The following ATF2 variants were observed in gnomAD, a reference collection of about 807,000 sequenced individuals.
The protein encoded by ATF2 is cyclic AMP-dependent transcription factor ATF-2.
ATF2 carries 24 observed loss-of-function variants against 60.6 expected under a neutral mutation model. That is an observed-to-expected ratio of 0.40 (90% CI 0.29 to 0.56). The LOEUF (loss-of-function observed/expected upper bound fraction) is 0.56, where lower values mean the gene tolerates loss of function less well. Among genes scored for constraint, ATF2 ranks in the 20% least tolerant of loss-of-function variants. The pLI is 0.54. For synonymous variants in ATF2, 206 were observed against 215.4 expected (o/e 0.96, Z 0.38); for missense variants, 433 against 607.7 (o/e 0.71, Z 3.02).
chr2:175,121,402 G>C, intron 5 of ATF2, 42 bp downstream of exon 5: 2 of 1,371,030 alleles, frequency 1.5e-6, no homozygotes, highest in Non-Finnish European at 2.0e-6. Flanking sequence ...CACATTCCAG[G>C]TGAAATATGT....
intron 10 of ATF2, among the ~76,000 whole-genome samples, chr2:175,103,864 A>C (rs1445050498): frequency 1.3e-5 from 2 of 152,148 alleles, no homozygotes; most frequent in Non-Finnish European, 2.9e-5. Flanking sequence ...AAACCCTGAA[A>C]CCAAAATTTA....
Position 175,097,466 on chromosome 2 carries a change from G to T in ATF2, c.956C>A (p.Ala319Asp), listed in dbSNP as rs1429795394. 2 of 1,613,922 alleles carry T rather than the reference G, an allele frequency of 1.2e-6. No individual in the cohort carries two copies. Among genetic ancestry groups the T allele is most frequent in the African/African-American group, 2.7e-5 (2 of 74,920 alleles). The change falls in exon 11 of 14, where the codon GCC becomes GAC. Residue 319 changes from alanine to aspartate, a missense_variant. Around this residue, in one of 5 missense-constraint regions of ATF2, gnomAD observed 246 missense variants for 309.3 expected, o/e 0.80. Coordinates refer to ENST00000264110, the MANE Select transcript of ATF2 (RefSeq NM_001880.4). ...ESRPQSLQQP[A>D]TSTTETPASP... ...TACCGGAGTTTCTGTAGTGGATGTG[G>T]CTGGCTGTTGTAATGACTGCGGTCG...
chr2:175,074,382 T>C lies in ATF2; in HGVS notation c.*227A>G. On this transcript the variant is annotated 3_prime_UTR_variant, in exon 14 of 14. Coordinates refer to ENST00000264110, the MANE Select transcript of ATF2 (RefSeq NM_001880.4). ...CATTGAGCACAGAAAAATTAATAAA[T>C]CTAATAATATTTATAAAAAAAGCAA... 1 of 340,698 alleles carries C rather than the reference T, an allele frequency of 2.9e-6. No homozygotes were observed. 21.1% of individuals were successfully genotyped at this position (340,698 alleles called of 1,614,324 possible).
At chr2:175,085,996 A>C (rs1694145482) in intron 12 of ATF2, among the ~76,000 whole-genome samples, 1 of 152,204 alleles carries the variant, frequency 6.6e-6, no homozygotes, top group African/African-American at 2.4e-5. Flanking sequence ...TATAATATAC[A>C]AGCATGCTGT....
Position 175,097,488 on chromosome 2 carries a change from G to T in ATF2, c.934C>A (p.Pro312Thr). The T allele has an allele frequency of 6.2e-7, 1 of 1,614,150 alleles. No individual in the cohort carries two copies. The highest frequency in any genetic ancestry group is 8.5e-7 in the Non-Finnish European group (1 of 1,180,004). ...GTGGCTGGCTGTTGTAATGACTGCG[G>T]TCGAGATTCCTCTGACTGAGTCCTA... ...LVRTQSEESR[P>T]QSLQQPATST... The change falls in exon 11 of 14, where the codon CCG (proline) becomes ACG (threonine). Residue 312 changes from proline to threonine, a missense_variant. Physicochemically the swap from Pro to Thr is conservative, Grantham distance 38. Coordinates refer to ENST00000264110, the MANE Select transcript of ATF2 (RefSeq NM_001880.4).
chr2:175,144,453 A>G (rs1419952261), intron 2 of ATF2, among the ~76,000 whole-genome samples: 1 of 152,240 alleles, frequency 6.6e-6, no homozygotes, highest in Non-Finnish European at 1.5e-5. Flanking sequence ...AAGAAAAGAG[A>G]ATAATAAAGA....
At chr2:175,151,823 T>C (rs1461635642) in intron 1 of ATF2, among the ~76,000 whole-genome samples, 1 of 152,180 alleles carries the variant, frequency 6.6e-6, no homozygotes, top group East Asian at 1.9e-4. Flanking sequence ...TGGTCTGCCA[T>C]CCTCAACATG....
intron 1 of ATF2, among the ~76,000 whole-genome samples, chr2:175,166,102 G>T (rs1036636609): frequency 3.9e-5 from 6 of 152,072 alleles, no homozygotes; most frequent in Admixed American, 2.0e-4. Context: ...TTTTAAAAAG[G>T]ATTTTCAGGA....
chr2:175,161,860 G>A (rs1574515448), intron 1 of ATF2, among the ~76,000 whole-genome samples: 1 of 151,252 alleles, frequency 6.6e-6, no homozygotes, highest in African/African-American at 2.4e-5. Flanking sequence ...TCCCAGGTTC[G>A]AGCAATTCTC....
intron 3 of ATF2, among the ~76,000 whole-genome samples, chr2:175,134,056 C>T (rs1371080114): frequency 6.6e-6 from 1 of 151,934 alleles, no homozygotes; most frequent in East Asian, 1.9e-4. Flanking sequence ...TACAGTCAGC[C>T]CTCTGTATCT....
chr2:175,144,097 T>C (rs1698779356), intron 2 of ATF2, among the ~76,000 whole-genome samples: 1 of 152,132 alleles, frequency 6.6e-6, no homozygotes, highest in African/African-American at 2.4e-5. Context: ...CCTGATTCTT[T>C]GCCCATTTTT....
intron 2 of ATF2, among the ~76,000 whole-genome samples, chr2:175,141,717 T>A (rs754048842): frequency 6.6e-6 from 1 of 152,014 alleles, no homozygotes; most frequent in Non-Finnish European, 1.5e-5. Context: ...AAGGTCTCCA[T>A]CTCCTGACCT....
chr2:175,145,340 C>G (rs1414707013), intron 2 of ATF2, among the ~76,000 whole-genome samples: 1 of 152,164 alleles, frequency 6.6e-6, no homozygotes, highest in Non-Finnish European at 1.5e-5. Context: ...GCTGTCCTCT[C>G]AACAGTGAAT....
chr2:175,138,693 C>T (rs1477689632), intron 2 of ATF2, among the ~76,000 whole-genome samples: 1 of 152,212 alleles, frequency 6.6e-6, no homozygotes, highest in South Asian at 2.1e-4. Context: ...TGATATTACA[C>T]TGTCAAGGCC....
chr2:175,093,091 T>C lies in ATF2; in HGVS notation c.1155A>G (p.Glu385=), dbSNP rs1694671877. ...VWVQSLEKKA[E]DLSSLNGQLQ... Reference sequence around the variant, plus strand: ...GCTGACCATTTAATGAACTCAAGTCTTCAGCTTTCTTCTCTAAAGACTGAA... The same window carrying C: ...GCTGACCATTTAATGAACTCAAGTCCTCAGCTTTCTTCTCTAAAGACTGAA... Residue 385 remains glutamate, a synonymous_variant, in exon 12 of 14, where the codon GAA becomes GAG. Transcript: ENST00000264110. 2.5e-6 allele frequency: 4 copies of C among 1,614,116 alleles called. No individual in the cohort carries two copies. The highest frequency in any genetic ancestry group is 1.6e-4 in the Middle Eastern group (1 of 6,084).
At chr2:175,156,538 C>T (rs983283430) in intron 1 of ATF2, among the ~76,000 whole-genome samples, 7 of 151,900 alleles carry the variant, frequency 4.6e-5, no homozygotes, top group Non-Finnish European at 7.4e-5. Flanking sequence ...GTTAGAAGCA[C>T]GAGAGGGATT....
At chr2:175,139,757 T>C (rs1477757441) in intron 2 of ATF2, among the ~76,000 whole-genome samples, 1 of 152,112 alleles carries the variant, frequency 6.6e-6, no homozygotes, top group Non-Finnish European at 1.5e-5. Context: ...ATGATTTTTA[T>C]TAAAGAGACA....
At chr2:175,104,857 C>T (rs747187989) in intron 10 of ATF2, among the ~76,000 whole-genome samples, 6 of 152,118 alleles carry the variant, frequency 3.9e-5, no homozygotes, top group Admixed American at 1.3e-4. Context: ...CGGAATAACA[C>T]GTTACCCTTG....
intron 2 of ATF2, among the ~76,000 whole-genome samples, chr2:175,142,835 A>T (rs77191466): frequency 0.035 from 4,927 of 140,358 alleles, 198 homozygotes; most frequent in African/African-American, 0.098. Context: ...CAAGAGAGAG[A>T]GTGTGTGTGT....
Sources: allele counts gnomAD v4.1 joint callset (sites outside exome capture counted in the v4.1 genomes callset), GRCh38; gene constraint gnomAD v4.1.1; regional missense constraint gnomAD v4.1.1; transcripts MANE v1.5; gene names NCBI Gene and HGNC (gene_info 2026-07-23, HGNC 2026-07-21).